Variants in PTCHD4 observed in about 807,000 individuals in gnomAD.
PTCHD4 encodes the protein patched domain containing 4.
A neutral mutation model predicts 58.1 loss-of-function variants in PTCHD4; 33 were observed. The ratio of observed to expected loss-of-function variants is 0.57; its 90% confidence interval spans 0.43 to 0.76. The LOEUF is 0.76. Ranked by LOEUF, PTCHD4 falls within the 30% of genes least tolerant of loss-of-function variation. The pLI is 0.00. For missense variants in PTCHD4, 1,058 were observed against 1,027.1 expected (o/e 1.03, Z -0.41); for synonymous variants, 478 against 409.6 (o/e 1.17, Z -2.02).
intron 3 of PTCHD4, among the ~76,000 whole-genome samples, chr6:48,022,928 C>T (rs1284607531): frequency 6.6e-6 from 1 of 151,904 alleles, no homozygotes. Context: ...AAAAAAAAAG[C>T]ATTGCCTTTC....
chr6:48,049,499 G>A (rs1344942165), intron 3 of PTCHD4, among the ~76,000 whole-genome samples: 1 of 151,892 alleles, frequency 6.6e-6, no homozygotes, highest in Non-Finnish European at 1.5e-5. Context: ...CTACCCAAGT[G>A]AGCATGCTCT....
At chr6:47,951,271 T>C (rs1179619166) in intron 4 of PTCHD4, among the ~76,000 whole-genome samples, 2 of 152,156 alleles carry the variant, frequency 1.3e-5, no homozygotes, top group Non-Finnish European at 2.9e-5. Flanking sequence ...GGTTAGTATA[T>C]AGGGAGACTT....
intron 4 of PTCHD4, among the ~76,000 whole-genome samples, chr6:47,953,870 A>G (rs1372493106): frequency 6.6e-6 from 1 of 152,184 alleles, no homozygotes; most frequent in African/African-American, 2.4e-5. Context: ...ACATCTCATA[A>G]TATCTTCTGA....
At chr6:47,888,594 T>A (rs1000785375) in intron 4 of PTCHD4, among the ~76,000 whole-genome samples, 2 of 152,164 alleles carry the variant, frequency 1.3e-5, no homozygotes, top group African/African-American at 2.4e-5. Context: ...TCATCCAGAG[T>A]TTGCATTCAG....
chr6:47,936,697 G>T (rs1766010905), intron 4 of PTCHD4, among the ~76,000 whole-genome samples: 1 of 152,178 alleles, frequency 6.6e-6, no homozygotes, highest in Non-Finnish European at 1.5e-5. Flanking sequence ...GCTAGGCATT[G>T]TTCTAAACAG....
At chr6:48,110,810 T>TAA (rs1282738954) in intron 1 of PTCHD4, among the ~76,000 whole-genome samples, 14 of 147,572 alleles carry the variant, frequency 9.5e-5, no homozygotes, top group African/African-American at 2.7e-4. Context: ...TATATATATA[T>TAA]AATATTTTTA....
rs993522859 is a variant in PTCHD4, at chr6:47,870,148, T to C, written c.*8155A>G. Among the ~76,000 whole-genome samples the C allele has an allele frequency of 6.6e-6, 1 of 151,714 alleles. No individual in the cohort carries two copies. The highest frequency in any genetic ancestry group is 1.5e-5 in the Non-Finnish European group (1 of 67,750). ...TTGTTGTTAAAATAAAAAGTTGAGA[T>C]AGCCAGAAATGCTGTTTAACTTTGC... On this transcript the variant is annotated 3_prime_UTR_variant, in exon 5 of 5. Transcript: ENST00000339488.
intron 1 of PTCHD4, among the ~76,000 whole-genome samples, 77 bp downstream of exon 1, chr6:48,110,972 C>T (rs1156900719): frequency 6.6e-6 from 1 of 151,998 alleles, no homozygotes; most frequent in East Asian, 1.9e-4. Context: ...GCATTGTTCA[C>T]TGTTCTGTGA....
At chr6:47,893,119 T>C (rs1357066230) in intron 4 of PTCHD4, among the ~76,000 whole-genome samples, 2 of 152,208 alleles carry the variant, frequency 1.3e-5, no homozygotes, top group Non-Finnish European at 2.9e-5. Context: ...CAAGCGATTT[T>C]CCTGCCTCAG....
At chr6:47,999,589 AAACAC>A (rs1768639869) in intron 4 of PTCHD4, among the ~76,000 whole-genome samples, 1 of 152,180 alleles carries the variant, frequency 6.6e-6, no homozygotes, top group Non-Finnish European at 1.5e-5. Flanking sequence ...ACTATATCCT[AAACAC>A]TGTGCTGGTT....
At position 47,879,538 on chromosome 6, in the gene PTCHD4, G is replaced by C; in HGVS notation, c.1297C>G (p.His433Asp). ...MSDGHQQTSH[H>D]ETNPYQHHFI... The stretch of plus-strand genomic sequence containing the variant: ...TGGTGCTGGTAGGGGTTCGTCTCAT[G>C]ATGGGACGTCTGTTGATGCCCATCA... The change falls in exon 5 of 5, where the codon CAT (histidine) becomes GAT (aspartate). Residue 433 changes from histidine to aspartate, a missense_variant. His to Asp is a moderately conservative substitution (Grantham distance 81). Coordinates refer to ENST00000339488, the MANE Select transcript of PTCHD4 (RefSeq NM_001384253.1). 2 of 1,613,812 alleles carry C rather than the reference G, an allele frequency of 1.2e-6. No homozygotes were observed. The highest frequency in any genetic ancestry group is 1.7e-6 in the Non-Finnish European group (2 of 1,179,788).
chr6:47,952,122 T>C (rs9473210), intron 4 of PTCHD4, among the ~76,000 whole-genome samples: 2,169 of 152,180 alleles, frequency 0.014, 61 homozygotes, highest in African/African-American at 0.05. Flanking sequence ...AAATAAATAT[T>C]ACAGAAAAGG....
rs143060584 is a variant in PTCHD4, at chr6:47,882,741, G to GAGATATATATATATATATATAT, written c.899-2806_899-2805insATATATATATATATATATATCT. ...TGAATCCATTTCTAATGATTCCAGT[G>GAGATATATATATATATATATAT]ATATATATATATATATTCCTTAAAT... On this transcript the variant is annotated intron_variant, in intron 4 of 4. Coordinates refer to ENST00000339488, the MANE Select transcript of PTCHD4 (RefSeq NM_001384253.1). Among the ~76,000 whole-genome samples the GAGATATATATATATATATATAT allele has an allele frequency of 5.9e-3, 605 of 102,392 alleles. 28 individuals carry two copies. The highest frequency in any genetic ancestry group is 8.8e-3 in the South Asian group (26 of 2,948). 67.2% of individuals were successfully genotyped at this position (102,392 alleles called of 152,430 possible). A position where few individuals can be genotyped will look rare whatever the true frequency, so the allele number is the denominator to read the frequency against.
At chr6:48,101,324 T>C (rs1373763146) in intron 1 of PTCHD4, among the ~76,000 whole-genome samples, 2 of 152,212 alleles carry the variant, frequency 1.3e-5, no homozygotes, top group Non-Finnish European at 2.9e-5. Context: ...TCCCTTTTAC[T>C]AGGAACTTAT....
chr6:47,895,595 A>G (rs139558768), intron 4 of PTCHD4, among the ~76,000 whole-genome samples: 2 of 152,358 alleles, frequency 1.3e-5, no homozygotes, highest in Admixed American at 1.3e-4. Context: ...TACCATATGC[A>G]TAATCATGGT....
intron 4 of PTCHD4, among the ~76,000 whole-genome samples, chr6:47,913,764 C>G (rs958680098): frequency 6.6e-6 from 1 of 152,048 alleles, no homozygotes; most frequent in South Asian, 2.1e-4. Context: ...GCAGAGATGC[C>G]GAAACTGAAG....
intron 1 of PTCHD4, among the ~76,000 whole-genome samples, chr6:48,108,115 G>T (rs1340082558): frequency 6.6e-6 from 1 of 152,136 alleles, no homozygotes; most frequent in East Asian, 1.9e-4. Context: ...ATACCCAAAG[G>T]ATTATAAATC....
chr6:48,056,994 T>G (rs1183181020), intron 3 of PTCHD4, among the ~76,000 whole-genome samples: 1 of 152,078 alleles, frequency 6.6e-6, no homozygotes, highest in Non-Finnish European at 1.5e-5. Flanking sequence ...AAAAAGTTAT[T>G]CTTTAAAACA....
rs1334849612 is a variant in PTCHD4 at position 47,863,914 on chromosome 6, A to C, written c.*14389T>G. Among the ~76,000 whole-genome samples the C allele has an allele frequency of 6.6e-6, 1 of 152,022 alleles. No individual in the cohort carries two copies. The highest frequency in any genetic ancestry group is 1.9e-4 in the East Asian group (1 of 5,144). On this transcript the variant is annotated 3_prime_UTR_variant, in exon 5 of 5. Transcript: ENST00000339488. The stretch of plus-strand genomic sequence containing the variant: ...AGGTAGACTTGTCAGATATGGCCTT[A>C]GTTCAGGTAATTTCTTTTCTTCAAA...
Sources: allele counts gnomAD v4.1 joint callset (sites outside exome capture counted in the v4.1 genomes callset), GRCh38; gene constraint gnomAD v4.1.1; transcripts MANE v1.5; gene names NCBI Gene and HGNC (gene_info 2026-07-23, HGNC 2026-07-21).